Variants in LRCH3 observed in about 807,000 individuals in gnomAD.
LRCH3 encodes the protein DISP complex protein LRCH3.
LRCH3 carries 68 observed loss-of-function variants against 104.5 expected under a neutral mutation model. The observed-to-expected ratio is 0.65, with a 90% CI of 0.54 to 0.80. The LOEUF (loss-of-function observed/expected upper bound fraction) is 0.80. Ranked by LOEUF, LRCH3 falls within the 30% of genes least tolerant of loss-of-function variation. The pLI, the probability that LRCH3 is intolerant of heterozygous loss-of-function variation, is 0.00. For missense variants in LRCH3, 951 were observed against 953.9 expected (o/e 1.00, Z 0.04); for synonymous variants, 344 against 361.3 (o/e 0.95, Z 0.54).
chr3:197,821,397 G>T (rs73210149), intron 4 of LRCH3, among the ~76,000 whole-genome samples: 2,444 of 152,266 alleles, frequency 0.016, 28 homozygotes, highest in Non-Finnish European at 0.023. Flanking sequence ...TAGAAAGGAA[G>T]ATGAAAATGA....
chr3:197,850,330 T>C, intron 12 of LRCH3: 1 of 750,440 alleles, frequency 1.3e-6, no homozygotes, highest in Non-Finnish European at 2.2e-6. Flanking sequence ...TTCTCCCAAC[T>C]CTCTTTAGGT....
chr3:197,868,382 A>G (rs1380366889), intron 17 of LRCH3, among the ~76,000 whole-genome samples: 2 of 152,252 alleles, frequency 1.3e-5, no homozygotes, highest in African/African-American at 4.8e-5. Context: ...TTGTATGCAA[A>G]TAATACTACA....
chr3:197,814,513 T>C (rs141486849), intron 1 of LRCH3, among the ~76,000 whole-genome samples: 1 of 152,344 alleles, frequency 6.6e-6, no homozygotes, highest in East Asian at 1.9e-4. Flanking sequence ...TAGTTCAATA[T>C]ATGTGATGAA....
At chr3:197,835,905 T>C in intron 9 of LRCH3, 83 bp downstream of exon 9, 1 of 1,421,934 alleles carries the variant, frequency 7.0e-7, no homozygotes. Flanking sequence ...GTTATATCAG[T>C]GATTTGTTGA....
At chr3:197,792,577 T>TATATATATATA (rs1730660774) in intron 1 of LRCH3, among the ~76,000 whole-genome samples, 13 of 20,346 alleles carry the variant, frequency 6.4e-4, no homozygotes, top group Admixed American at 1.8e-3. Flanking sequence ...CCAGCTAATT[T>TATATATATATA]TATATATATA....
chr3:197,818,547 T>C (rs763465641), intron 3 of LRCH3, among the ~76,000 whole-genome samples: 2 of 152,234 alleles, frequency 1.3e-5, no homozygotes, highest in Non-Finnish European at 2.9e-5. Context: ...ATATTTAAAC[T>C]AGAGTCTACA....
At chr3:197,843,358 A>G (rs530480616) in intron 10 of LRCH3, among the ~76,000 whole-genome samples, 1 of 152,172 alleles carries the variant, frequency 6.6e-6, no homozygotes, top group East Asian at 1.9e-4. Flanking sequence ...CAGGTGTAAT[A>G]CACCTGTATT....
chr3:197,850,239 A>G (rs1739381812), intron 12 of LRCH3, among the ~76,000 whole-genome samples: 1 of 152,126 alleles, frequency 6.6e-6, no homozygotes, highest in African/African-American at 2.4e-5. Context: ...TGAGATGATG[A>G]TAATCGTACT....
chr3:197,881,228 T>C, intron 20 of LRCH3: 1 of 998,148 alleles, frequency 1.0e-6, no homozygotes, highest in Non-Finnish European at 1.2e-6. Flanking sequence ...AACTGTGTCC[T>C]GAGATCCTGA....
At position 197,847,469 on chromosome 3, in the gene LRCH3, T is replaced by C. The variant is rs1312427059; in HGVS notation, c.1380+9T>C. Reference sequence around the variant, plus strand: ...CAGCAAGTCACAATCAGGTAATGTTTAGTAGTTGTGTTTATTTTTGCTTTT... The same window carrying C: ...CAGCAAGTCACAATCAGGTAATGTTCAGTAGTTGTGTTTATTTTTGCTTTT... On this transcript the variant is annotated intron_variant, in intron 11 of 20. Transcript: ENST00000425562. The C allele has an allele frequency of 6.3e-7, 1 of 1,593,138 alleles. No homozygotes were observed. Among genetic ancestry groups the C allele is most frequent in the African/African-American group, 1.4e-5 (1 of 73,658 alleles).
At chr3:197,849,923 G>A (rs572674760) in intron 12 of LRCH3, among the ~76,000 whole-genome samples, 1 of 152,286 alleles carries the variant, frequency 6.6e-6, no homozygotes, top group African/African-American at 2.4e-5. Context: ...AGAAAATAAG[G>A]CAGCTTATAA....
intron 8 of LRCH3, among the ~76,000 whole-genome samples, chr3:197,835,082 T>C (rs1300593687): frequency 3.9e-5 from 6 of 152,034 alleles, no homozygotes; most frequent in African/African-American, 1.4e-4. Context: ...AAGCAGAGGT[T>C]GCAGTGAGCC....
intron 20 of LRCH3, 128 bp downstream of exon 20, chr3:197,875,903 T>G (rs939419843): frequency 1.7e-6 from 1 of 593,244 alleles, no homozygotes; most frequent in African/African-American, 1.9e-5. Context: ...CATGACTTTG[T>G]GTTACAAGAG....
chr3:197,835,130 G>C (rs1736574432), intron 8 of LRCH3, among the ~76,000 whole-genome samples: 1 of 151,984 alleles, frequency 6.6e-6, no homozygotes, highest in Non-Finnish European at 1.5e-5. Context: ...GATGACAAAG[G>C]GAGACCCTGT....
intron 1 of LRCH3, among the ~76,000 whole-genome samples, chr3:197,812,581 G>A (rs957724333): frequency 1.5e-5 from 2 of 135,656 alleles, no homozygotes; most frequent in East Asian, 2.3e-4. Context: ...GCGCCATCTC[G>A]GCTCACTGCA....
At chr3:197,880,009 G>A (rs962131898) in intron 20 of LRCH3, among the ~76,000 whole-genome samples, 32 of 149,154 alleles carry the variant, frequency 2.1e-4, no homozygotes, top group Non-Finnish European at 2.5e-4. Context: ...GCGGTGGCGC[G>A]ATCTCGGCTC....
At chr3:197,793,029 TCCG>T (rs1474893675) in intron 1 of LRCH3, among the ~76,000 whole-genome samples, 1 of 152,238 alleles carries the variant, frequency 6.6e-6, no homozygotes, top group Non-Finnish European at 1.5e-5. Flanking sequence ...GCTCAAGCTA[TCCG>T]CCGACCTCGG....
intron 20 of LRCH3, among the ~76,000 whole-genome samples, chr3:197,878,508 T>A (rs974500809): frequency 3.9e-5 from 6 of 152,180 alleles, no homozygotes; most frequent in Admixed American, 2.0e-4. Context: ...GTGGTTAGGC[T>A]GAGGTTTTGA....
chr3:197,855,358 A>T (rs1053398796), intron 14 of LRCH3, among the ~76,000 whole-genome samples: 1 of 152,238 alleles, frequency 6.6e-6, no homozygotes, highest in Non-Finnish European at 1.5e-5. Flanking sequence ...GAATTGGCCT[A>T]AGAAGCGAAT....
Sources: gnomAD v4.1 joint callset for allele counts (sites outside exome capture counted in the v4.1 genomes callset) on GRCh38, gnomAD v4.1.1 for gene constraint, MANE v1.5 for transcripts, NCBI Gene and HGNC (gene_info 2026-07-23, HGNC 2026-07-21) for gene names.